The following ECE2 variants were observed in gnomAD, a reference collection of about 807,000 sequenced individuals.
The protein encoded by ECE2 is endothelin converting enzyme 2, also known as endothelin-converting enzyme 2.
A neutral mutation model predicts 100.6 loss-of-function variants in ECE2; 81 were observed. The observed-to-expected ratio is 0.81, with a 90% CI of 0.67 to 0.97. ECE2 has a LOEUF of 0.97. ECE2 is among the 50% of genes least tolerant of loss of function. ECE2 has a pLI of 0.00. For synonymous variants in ECE2, 391 were observed against 391.5 expected (o/e 1.00, Z 0.02); for missense variants, 911 against 988.1 (o/e 0.92, Z 1.05).
rs1475917609 is a variant in ECE2, at chr3:184,278,235, AG to A, written c.675del (p.Thr226ProfsTer40). The A allele has an allele frequency of 6.2e-7, 1 of 1,614,092 alleles. No individual in the cohort carries two copies. The highest frequency in any genetic ancestry group is 8.5e-7 in the Non-Finnish European group (1 of 1,180,044). Reference sequence around the variant, plus strand: ...TTATGGAGGTGTTGAAGGCAGTAGCAGGGACCTACAGGGCCACCCCATTCTT... The same window carrying A: ...TTATGGAGGTGTTGAAGGCAGTAGCAGGACCTACAGGGCCACCCCATTCTT... ...NFMEVLKAVA[G>X]TYRATPFFTV... On this transcript the variant is annotated frameshift_variant, in exon 6 of 19. Transcript: ENST00000404464. LOFTEE classifies it high-confidence loss of function.
chr3:184,278,880 T>C (rs1217653232), intron 7 of ECE2: 6 of 337,022 alleles, frequency 1.8e-5, no homozygotes, highest in Non-Finnish European at 3.3e-5. Flanking sequence ...TGGACCTAGA[T>C]AGCTGAGAAC....
chr3:184,286,262 G>T (rs1161476644), intron 10 of ECE2, among the ~76,000 whole-genome samples: 2 of 152,142 alleles, frequency 1.3e-5, no homozygotes, highest in Non-Finnish European at 2.9e-5. Flanking sequence ...TCTGGCATGA[G>T]CTTGAGAAGA....
At chr3:184,286,187 A>G (rs1721029854) in intron 10 of ECE2, among the ~76,000 whole-genome samples, 1 of 152,148 alleles carries the variant, frequency 6.6e-6, no homozygotes, top group African/African-American at 2.4e-5. Flanking sequence ...AGGGCATTCC[A>G]GGGACAAGGA....
At position 184,285,065 on chromosome 3, in the gene ECE2, T is replaced by A; in HGVS notation, c.1108T>A (p.Leu370Met). ...EPVVVYGMDY[L>M]QQVSELINRT... ...TGTGGTGGTGTATGGGATGGATTAT[T>A]TGCAGCAGGTGTCAGAGCTCATCAA... Residue 370 changes from leucine to methionine, a missense_variant, in exon 9 of 19, where the codon TTG becomes ATG. Coordinates refer to ENST00000404464, the MANE Select transcript of ECE2 (RefSeq NM_001100121.2). 1 of 1,614,164 alleles carries A rather than the reference T, an allele frequency of 6.2e-7. No individual in the cohort carries two copies.
rs1303876024 is a variant in ECE2, at chr3:184,289,528, A to G, written c.1466A>G (p.Lys489Arg). 3 of 1,613,286 alleles carry G rather than the reference A, an allele frequency of 1.9e-6. No individual in the cohort carries two copies. The highest frequency in any genetic ancestry group is 2.7e-5 in the African/African-American group (2 of 74,912). ...WMDEKTRQAA[K>R]EKADAIYDMI... ...GATGAGAAGACCCGCCAGGCAGCCAAGGAGAAAGTGAGCGGTGGCTAGGGT... is the reference window on the plus strand; with the variant it reads ...GATGAGAAGACCCGCCAGGCAGCCAGGGAGAAAGTGAGCGGTGGCTAGGGT... The change falls in exon 12 of 19, where the codon AAG becomes AGG. Residue 489 changes from lysine to arginine, a missense_variant. By Grantham distance (26) the Lys-to-Arg change is conservative. Transcript: ENST00000404464. This position sits in a 1 kb window ranked among gnomAD's most constrained non-coding sequence, Gnocchi z 4.1.
intron 2 of ECE2, 34 bp downstream of exon 2, chr3:184,276,601 C>G: frequency 6.3e-7 from 1 of 1,596,206 alleles, no homozygotes; most frequent in Non-Finnish European, 8.5e-7. Context: ...CTCACCAGGC[C>G]CCAGCCCTGG....
At chr3:184,288,786 C>T (rs766410911) in intron 11 of ECE2, among the ~76,000 whole-genome samples, 13 of 152,130 alleles carry the variant, frequency 8.5e-5, no homozygotes, top group Non-Finnish European at 1.9e-4. Context: ...TGAATGAGTG[C>T]TTTATAACTG....
intron 10 of ECE2, among the ~76,000 whole-genome samples, chr3:184,287,405 T>C (rs1354438386): frequency 6.6e-6 from 1 of 151,124 alleles, no homozygotes; most frequent in South Asian, 2.1e-4. Context: ...ATAAAATTAG[T>C]TGTGGGCCGG....
Position 184,278,015 on chromosome 3 carries a change from T to A in ECE2, c.569T>A (p.Leu190Gln), listed in dbSNP as rs1202851912. 2 of 1,614,006 alleles carry A rather than the reference T, an allele frequency of 1.2e-6. No individual in the cohort carries two copies. Among genetic ancestry groups the A allele is most frequent in the South Asian group, 2.2e-5 (2 of 91,072 alleles). Residue 190 changes from leucine to glutamine, a missense_variant, in exon 5 of 19, where the codon CTG becomes CAG. Transcript: ENST00000404464. ...SCLQVERIEELGAQPLRDLIE... is the reference protein window; with the variant it reads ...SCLQVERIEEQGAQPLRDLIE... ...CTACAGGTGGAGCGCATTGAGGAGC[T>A]GGGAGCCCAGCCACTGAGAGACCTC...
At position 184,287,934 on chromosome 3, in the gene ECE2, A is replaced by C. The variant is rs1173253968; in HGVS notation, c.1361A>C (p.Gln454Pro). The change falls in exon 11 of 19, where the codon CAA becomes CCA. Residue 454 changes from glutamine to proline, a missense_variant. Physicochemically the swap from Gln to Pro is moderately conservative, Grantham distance 76 (BLOSUM62 -1). Coordinates refer to ENST00000404464, the MANE Select transcript of ECE2 (RefSeq NM_001100121.2). ...SLFVKATFDR[Q>P]SKEIAEGMIS... ...TTCGTGAAGGCCACGTTTGACCGGCAAAGCAAAGAAATTGTGAGTCTACAA... is the reference window on the plus strand; with the variant it reads ...TTCGTGAAGGCCACGTTTGACCGGCCAAGCAAAGAAATTGTGAGTCTACAA... The C allele has an allele frequency of 1.2e-6, 2 of 1,614,120 alleles. No homozygotes were observed. The highest frequency in any genetic ancestry group is 1.7e-6 in the Non-Finnish European group (2 of 1,179,960).
Position 184,276,502 on chromosome 3 carries a change from A to G in ECE2, c.61A>G (p.Thr21Ala), listed in dbSNP as rs913381168. The G allele has an allele frequency of 1.2e-6, 2 of 1,610,604 alleles. No homozygotes were observed. Residue 21 changes from threonine to alanine, a missense_variant, in exon 2 of 19, where the codon ACG becomes GCG. Thr to Ala is a moderately conservative substitution (Grantham distance 58). Transcript: ENST00000404464. ...GSNMVEYKRA[T>A]LRDEDAPETP... The stretch of plus-strand genomic sequence containing the variant: ...GCAGATGGTGGAGTACAAACGGGCC[A>G]CGCTTCGGGATGAAGACGCACCCGA...
Position 184,289,816 on chromosome 3 carries a change from T to C in ECE2, c.1551+98T>C, listed in dbSNP as rs1721231142. The stretch of plus-strand genomic sequence containing the variant: ...GGCTCAAGCACTGGGAAAGAGGTGC[T>C]TGTCGGTTTCTTTTAGAGGCAGATG... On this transcript the variant is annotated intron_variant, in intron 13 of 18. Transcript: ENST00000404464. This position sits in a 1 kb window ranked among gnomAD's most constrained non-coding sequence, Gnocchi z 4.1. 1 of 1,140,160 alleles carries C rather than the reference T, an allele frequency of 8.8e-7. No individual in the cohort carries two copies. The highest frequency in any genetic ancestry group is 1.6e-5 in the African/African-American group (1 of 64,462). The allele number at this position is 1,140,160 out of a possible 1,614,324, so 70.6% of individuals were successfully genotyped here.
chr3:184,283,981 A>G lies in ECE2; in HGVS notation c.1005+8A>G. On this transcript the variant is annotated splice_region_variant and intron_variant, in intron 8 of 18. Transcript: ENST00000404464. Reference sequence around the variant, plus strand: ...AGCATTTCGGAGCTGCAGGTGGGGCAGGCAGGGGGCTGGAGACAACTGAGA... The same window carrying G: ...AGCATTTCGGAGCTGCAGGTGGGGCGGGCAGGGGGCTGGAGACAACTGAGA... 1 of 1,613,300 alleles carries G rather than the reference A, an allele frequency of 6.2e-7. No homozygotes were observed. Among genetic ancestry groups the G allele is most frequent in the Non-Finnish European group, 8.5e-7 (1 of 1,179,822 alleles).
chr3:184,276,042 C>A lies in ECE2; in HGVS notation c.-112C>A, dbSNP rs1194911166. 1.9e-4 allele frequency: 210 copies of A among 1,125,170 alleles called. No individual in the cohort carries two copies. The highest frequency in any genetic ancestry group is 1.5e-4 in the Non-Finnish European group (136 of 918,138). 69.7% of individuals were successfully genotyped at this position (1,125,170 alleles called of 1,614,324 possible). A position where few individuals can be genotyped will look rare whatever the true frequency, so the allele number is the denominator to read the frequency against. ...CGGCCGCGGCCGAGCGGGGGTGCTG[C>A]GCGGCGGCCGTGATGGCTGGTGACG... On this transcript the variant is annotated 5_prime_UTR_variant, in exon 1 of 19. Transcript: ENST00000404464.
rs748976227 is a variant in ECE2, at chr3:184,283,979, G to A, written c.1005+6G>A. On this transcript the variant is annotated splice_donor_region_variant and intron_variant, in intron 8 of 18. Transcript: ENST00000404464. ...TGAGCATTTCGGAGCTGCAGGTGGG[G>A]CAGGCAGGGGGCTGGAGACAACTGA... 1 of 1,613,334 alleles carries A rather than the reference G, an allele frequency of 6.2e-7. No homozygotes were observed. The highest frequency in any genetic ancestry group is 1.3e-5 in the African/African-American group (1 of 75,004).
intron 5 of ECE2, 52 bp from the exon 6 acceptor site, chr3:184,278,115 G>T: frequency 6.2e-7 from 1 of 1,613,306 alleles, no homozygotes; most frequent in South Asian, 1.1e-5. Context: ...GATGGCCCAG[G>T]AACGCTTTGG....
intron 7 of ECE2, among the ~76,000 whole-genome samples, chr3:184,279,383 C>A (rs1720721076): frequency 6.7e-6 from 1 of 150,218 alleles, no homozygotes; most frequent in African/African-American, 2.5e-5. Context: ...AGGCTGAGCA[C>A]AGTGGCTCAC....
In ECE2 at chr3:184,287,895, C is replaced by T. The variant is rs143576328; in HGVS notation, c.1322C>T (p.Ala441Val). The T allele has an allele frequency of 6.2e-7, 1 of 1,614,048 alleles. No individual in the cohort carries two copies. The highest frequency in any genetic ancestry group is 1.3e-5 in the African/African-American group (1 of 74,918). The change falls in exon 11 of 19, where the codon GCT becomes GTT. Residue 441 changes from alanine to valine, a missense_variant. Physicochemically the swap from Ala to Val is moderately conservative, Grantham distance 64. Transcript: ENST00000404464. ...AACACGGATGACGCCCTTGGCTTTG[C>T]TTTGGGGTCCCTCTTCGTGAAGGCC... ...ISNTDDALGFALGSLFVKATF... is the reference protein window; with the variant it reads ...ISNTDDALGFVLGSLFVKATF...
chr3:184,284,008 GGGCCAGCCTT>G, intron 8 of ECE2, 35 bp downstream of exon 8: 1 of 1,609,200 alleles, frequency 6.2e-7, no homozygotes. Flanking sequence ...CAACTGAGAG[GGGCCAGCCTT>G]GGCATGGACC....
Sources: allele counts gnomAD v4.1 joint callset (sites outside exome capture counted in the v4.1 genomes callset), GRCh38; gene constraint gnomAD v4.1.1; non-coding constraint Gnocchi (gnomAD v3.1); transcripts MANE v1.5; gene names NCBI Gene and HGNC (gene_info 2026-07-23, HGNC 2026-07-21).